Variants in ANKRD45 observed in about 807,000 individuals in gnomAD.
The protein encoded by ANKRD45 is ankyrin repeat domain-containing protein 45.
Under a neutral mutation model 28.1 loss-of-function variants are expected in ANKRD45, and 21 were observed. The ratio of observed to expected loss-of-function variants is 0.75; its 90% confidence interval spans 0.53 to 1.08. The LOEUF (loss-of-function observed/expected upper bound fraction) is 1.08, where lower values mean the gene tolerates loss of function less well. Among genes scored for constraint, ANKRD45 ranks in the 50% least tolerant of loss-of-function variants. The pLI is 0.00. For missense variants in ANKRD45, 261 were observed against 308.7 expected, an observed-to-expected ratio of 0.85 and a Z score of 1.16; for synonymous variants, 86 against 103.9, an observed-to-expected ratio of 0.83 and a Z score of 1.05.
chr1:173,682,722 C>CACACACACACACACAT, the ANKRD45 span, among the ~76,000 whole-genome samples: 38 of 148,798 alleles, frequency 2.6e-4, no homozygotes, highest in Middle Eastern at 0.014. Flanking sequence ...CACACACACA[C>CACACACACACACACAT]ATCTTGGATG....
At chr1:173,637,290 T>C (rs1437537700) in intron 3 of ANKRD45, among the ~76,000 whole-genome samples, 4 of 152,124 alleles carry the variant, frequency 2.6e-5, no homozygotes. Context: ...AAAGGGACAT[T>C]CCTCCCAGTC....
the ANKRD45 span, among the ~76,000 whole-genome samples, chr1:173,704,725 C>T: frequency 6.6e-6 from 1 of 152,182 alleles, no homozygotes; most frequent in African/African-American, 2.4e-5. Context: ...ATACCAAAAT[C>T]CCATTATAGT....
At chr1:173,640,162 C>G (rs562756599) in intron 3 of ANKRD45, among the ~76,000 whole-genome samples, 47 of 152,214 alleles carry the variant, frequency 3.1e-4, no homozygotes, top group South Asian at 2.9e-3. Flanking sequence ...GCCTTATTTA[C>G]ATTCCTAAGC....
intron 3 of ANKRD45, among the ~76,000 whole-genome samples, chr1:173,640,223 T>C (rs1214219118): frequency 6.6e-6 from 1 of 152,110 alleles, no homozygotes; most frequent in Non-Finnish European, 1.5e-5. Flanking sequence ...AATTATATAC[T>C]TGGTCTCTCC....
the ANKRD45 span, among the ~76,000 whole-genome samples, chr1:173,714,322 GAAAA>G: frequency 1.3e-5 from 2 of 151,930 alleles, no homozygotes; most frequent in Admixed American, 1.3e-4. Context: ...GCTTGCTACT[GAAAA>G]AAAATTTTTT....
chr1:173,650,617 A>G (rs577575139), intron 2 of ANKRD45, among the ~76,000 whole-genome samples: 3 of 152,370 alleles, frequency 2.0e-5, no homozygotes, highest in East Asian at 1.9e-4. Context: ...GTATATACCC[A>G]GTAATGGGAT....
intron 2 of ANKRD45, among the ~76,000 whole-genome samples, chr1:173,656,287 T>C (rs1669507580): frequency 1.3e-5 from 2 of 152,258 alleles, no homozygotes; most frequent in Admixed American, 1.3e-4. Flanking sequence ...TCCTAGTTTC[T>C]TTATCATTTT....
chr1:173,637,610 G>A (rs1668508742), intron 3 of ANKRD45, among the ~76,000 whole-genome samples: 1 of 152,170 alleles, frequency 6.6e-6, no homozygotes. Context: ...AGCCAATCAG[G>A]TTGAGTACAG....
chr1:173,667,092 C>T lies in ANKRD45; in HGVS notation c.-16+2725G>A, dbSNP rs993638198. Among the ~76,000 whole-genome samples, 13 of 152,232 alleles carry T rather than the reference C, an allele frequency of 8.5e-5. No individual in the cohort carries two copies. In the East Asian group the frequency reaches 1.5e-3, roughly 18 times the overall value. ...CTCATACTGGCCATGTGTTGGCCAACGACTTCCCAATACTTTTATGATGAG... is the reference window on the plus strand; with the variant it reads ...CTCATACTGGCCATGTGTTGGCCAATGACTTCCCAATACTTTTATGATGAG... On this transcript the variant is annotated intron_variant, in intron 1 of 5. Transcript: ENST00000333279.
chr1:173,637,678 C>CA (rs1558129627), intron 3 of ANKRD45, among the ~76,000 whole-genome samples: 2 of 152,200 alleles, frequency 1.3e-5, no homozygotes, highest in African/African-American at 4.8e-5. Context: ...GTGGATGCAT[C>CA]AGGTTATAAA....
intron 1 of ANKRD45, chr1:173,669,339 G>T (rs1397831225): frequency 1.4e-5 from 6 of 429,124 alleles, no homozygotes; most frequent in Admixed American, 8.4e-5. Flanking sequence ...GACGCAGCCT[G>T]AAGTTGTGAT....
At chr1:173,686,397 TCTTGA>T in the ANKRD45 span, among the ~76,000 whole-genome samples, 1 of 152,172 alleles carries the variant, frequency 6.6e-6, no homozygotes, top group East Asian at 1.9e-4. Context: ...GATGGTGCTT[TCTTGA>T]CTTGGGTGTG....
chr1:173,629,952 T>C (rs1016236054), intron 3 of ANKRD45, among the ~76,000 whole-genome samples: 2 of 152,140 alleles, frequency 1.3e-5, no homozygotes, highest in Admixed American at 1.3e-4. Context: ...GGAACTCCAA[T>C]ACATCTAGCA....
At position 173,646,405 on chromosome 1, in the gene ANKRD45, A is replaced by C. The variant is rs545436321; in HGVS notation, c.496+441T>G. Among the ~76,000 whole-genome samples, 11 of 152,306 alleles carry C rather than the reference A, an allele frequency of 7.2e-5. No homozygotes were observed. In the South Asian group the frequency reaches 2.3e-3, roughly 32 times the overall value. ...TTCTGACTATTAGCACTATAAATTAATTTAGCCTAAATAAACCTTTCTAAA... is the reference window on the plus strand; with the variant it reads ...TTCTGACTATTAGCACTATAAATTACTTTAGCCTAAATAAACCTTTCTAAA... On this transcript the variant is annotated intron_variant, in intron 3 of 5. Transcript: ENST00000333279.
At chr1:173,628,579 C>G (rs1668042206) in intron 3 of ANKRD45, among the ~76,000 whole-genome samples, 1 of 151,992 alleles carries the variant, frequency 6.6e-6, no homozygotes, top group South Asian at 2.1e-4. Flanking sequence ...GTGGGAAGGA[C>G]TTTGTCTTAT....
intron 4 of ANKRD45, among the ~76,000 whole-genome samples, chr1:173,625,801 T>A (rs1197921315): frequency 2.0e-5 from 3 of 152,000 alleles, no homozygotes; most frequent in African/African-American, 7.2e-5. Flanking sequence ...ATTATATAAG[T>A]GAAAGGGAAA....
At chr1:173,632,078 A>T (rs1159468038) in intron 3 of ANKRD45, among the ~76,000 whole-genome samples, 4 of 152,102 alleles carry the variant, frequency 2.6e-5, no homozygotes, top group Non-Finnish European at 5.9e-5. Context: ...AGATAAACAA[A>T]ATTGGCAAAC....
the ANKRD45 span, among the ~76,000 whole-genome samples, chr1:173,703,848 A>G: frequency 1.3e-5 from 2 of 152,264 alleles, no homozygotes; most frequent in South Asian, 4.1e-4. Flanking sequence ...GAGAAGGGAA[A>G]GTACTTATGT....
intron 3 of ANKRD45, among the ~76,000 whole-genome samples, chr1:173,627,803 G>A (rs1202504917): frequency 6.6e-6 from 1 of 151,986 alleles, no homozygotes; most frequent in African/African-American, 2.4e-5. Flanking sequence ...GAATGACCAT[G>A]AGAGTGCTTG....
Sources: allele counts gnomAD v4.1 joint callset (sites outside exome capture counted in the v4.1 genomes callset), GRCh38; gene constraint gnomAD v4.1.1; transcripts MANE v1.5; gene names NCBI Gene and HGNC (gene_info 2026-07-23, HGNC 2026-07-21).